P3H2: variants seen among roughly 807,000 people sequenced by gnomAD.
The protein encoded by P3H2 is prolyl 3-hydroxylase 2, also known as leprecan-like 1.
Under a neutral mutation model 87.0 loss-of-function variants are expected in P3H2, and 80 were observed. The observed-to-expected ratio is 0.92, with a 90% confidence interval of 0.77 to 1.11. P3H2 has a LOEUF of 1.11. Among genes scored for constraint, P3H2 ranks in the 50% least tolerant of loss-of-function variants. The pLI, the probability that P3H2 is intolerant of heterozygous loss-of-function variation, is 0.00. For missense variants in P3H2, 1,001 were observed against 923.9 expected, an observed-to-expected ratio of 1.08 and a Z score of -1.08; for synonymous variants, 367 against 359.3, an observed-to-expected ratio of 1.02 and a Z score of -0.24.
intron 1 of P3H2, among the ~76,000 whole-genome samples, chr3:190,093,290 AAGAC>A (rs1356353611): frequency 9.2e-5 from 14 of 152,310 alleles, no homozygotes; most frequent in Non-Finnish European, 1.0e-4. Flanking sequence ...AAAGCTTGAC[AAGAC>A]AGACAGTTGA....
intron 1 of P3H2, among the ~76,000 whole-genome samples, chr3:190,051,011 G>A (rs1459544327): frequency 4.6e-5 from 7 of 152,078 alleles, no homozygotes; most frequent in African/African-American, 1.2e-4. Context: ...TTAATCTGTA[G>A]CAATTTCCTA....
chr3:189,999,902 T>A (rs1724157543), intron 1 of P3H2, among the ~76,000 whole-genome samples: 1 of 152,178 alleles, frequency 6.6e-6, no homozygotes, highest in Non-Finnish European at 1.5e-5. Context: ...CCCAGAAGCA[T>A]GACTACGTGG....
chr3:190,051,045 T>C (rs1381944931), intron 1 of P3H2, among the ~76,000 whole-genome samples: 1 of 152,214 alleles, frequency 6.6e-6, no homozygotes, highest in Non-Finnish European at 1.5e-5. Flanking sequence ...AGCAGACCAG[T>C]CATAGCTATA....
Position 189,994,092 on chromosome 3 carries a change from A to C in P3H2, c.823+2T>G. ...AAATAAAATGAAAAATTAAGCTTTT[A>C]CCTGCAATAGCTTCATACAGACCAG... On this transcript the variant is annotated splice_donor_variant, in intron 3 of 14. Coordinates refer to ENST00000319332, the MANE Select transcript of P3H2 (RefSeq NM_018192.4). LOFTEE classifies it high-confidence loss of function. 1 of 1,603,592 alleles carries C rather than the reference A, an allele frequency of 6.2e-7. No individual in the cohort carries two copies. The highest frequency in any genetic ancestry group is 8.5e-7 in the Non-Finnish European group (1 of 1,171,986).
intron 1 of P3H2, among the ~76,000 whole-genome samples, chr3:190,068,204 T>G (rs1288167891): frequency 1.3e-5 from 2 of 152,158 alleles, no homozygotes; most frequent in African/African-American, 2.4e-5. Context: ...TTAAAGAGAA[T>G]ACATTGTTAG....
chr3:189,959,465 C>T (rs907505146), intron 14 of P3H2, among the ~76,000 whole-genome samples: 1 of 135,216 alleles, frequency 7.4e-6, no homozygotes, highest in Non-Finnish European at 1.5e-5. Flanking sequence ...TCCATGTGTT[C>T]TCATTGTTCA....
intron 10 of P3H2, 157 bp from the exon 11 acceptor site, chr3:189,973,181 G>A: frequency 1.5e-6 from 1 of 653,214 alleles, no homozygotes; most frequent in Non-Finnish European, 2.6e-6. Context: ...TTAGGACATT[G>A]TGCCATTGGA....
chr3:190,069,529 T>C (rs1022037947), intron 1 of P3H2, among the ~76,000 whole-genome samples: 1 of 152,200 alleles, frequency 6.6e-6, no homozygotes, highest in African/African-American at 2.4e-5. Flanking sequence ...TTACAGCATG[T>C]TTACCTTTTC....
chr3:190,109,859 T>TC, intron 1 of P3H2, among the ~76,000 whole-genome samples: 1 of 151,054 alleles, frequency 6.6e-6, no homozygotes, highest in Non-Finnish European at 1.5e-5. Flanking sequence ...TTTTTTTTTT[T>TC]TTTTTTTGAC....
At chr3:189,982,223 C>T (rs1418118106) in intron 8 of P3H2, among the ~76,000 whole-genome samples, 1 of 152,180 alleles carries the variant, frequency 6.6e-6, no homozygotes, top group Non-Finnish European at 1.5e-5. Flanking sequence ...TTCTGAGCTT[C>T]TGAGACTTCA....
At chr3:190,101,600 GAA>G (rs1243517117) in intron 1 of P3H2, among the ~76,000 whole-genome samples, 2 of 151,868 alleles carry the variant, frequency 1.3e-5, no homozygotes, top group Non-Finnish European at 2.9e-5. Context: ...GGAAGCTATA[GAA>G]AAACAGTCTG....
At chr3:190,053,098 C>T (rs1726035091) in intron 1 of P3H2, among the ~76,000 whole-genome samples, 1 of 152,052 alleles carries the variant, frequency 6.6e-6, no homozygotes, top group East Asian at 1.9e-4. Flanking sequence ...TTTGAATAGC[C>T]GAGTAGTATT....
At chr3:190,023,624 G>T (rs1172454171) in intron 1 of P3H2, among the ~76,000 whole-genome samples, 1 of 152,174 alleles carries the variant, frequency 6.6e-6, no homozygotes, top group African/African-American at 2.4e-5. Context: ...CTTGACATGG[G>T]CGGCGGGGAT....
chr3:190,122,087 A>AAAAAAC (rs1712630318), upstream of P3H2: 1 of 97,600 alleles, frequency 1.0e-5, no homozygotes, highest in African/African-American at 3.7e-5. Context: ...TCTCAAAAAC[A>AAAAAAC]AAAAAAACAA....
intron 1 of P3H2, among the ~76,000 whole-genome samples, chr3:190,045,672 G>A (rs1725776315): frequency 6.6e-6 from 1 of 152,086 alleles, no homozygotes. Flanking sequence ...TTGACTTTAA[G>A]TAAGACAGAG....
rs1722645388 is a variant in P3H2, at chr3:189,956,849, T to C, written c.*1063A>G. On this transcript the variant is annotated 3_prime_UTR_variant, in exon 15 of 15. Transcript: ENST00000319332. ...ATGACGGTTAAAATCAATCAGAAAT[T>C]TATTTTTCTTATGTAAGTACAAAAC... 1 of 347,306 alleles carries C rather than the reference T, an allele frequency of 2.9e-6. No homozygotes were observed. The highest frequency in any genetic ancestry group is 2.1e-5 in the African/African-American group (1 of 47,532). 21.5% of individuals were successfully genotyped at this position (347,306 alleles called of 1,614,324 possible).
intron 1 of P3H2, among the ~76,000 whole-genome samples, chr3:190,050,297 T>C (rs187236808): frequency 2.6e-5 from 4 of 152,214 alleles, no homozygotes; most frequent in Admixed American, 6.5e-5. Context: ...GCAATTCCTT[T>C]TTCCTGCAAT....
chr3:190,121,308 C>A (rs533173464), upstream of P3H2, among the ~76,000 whole-genome samples: 1 of 150,892 alleles, frequency 6.6e-6, no homozygotes, highest in East Asian at 2.0e-4. Flanking sequence ...CAAATCTGCG[C>A]ATTCTGCACG....
intron 6 of P3H2, among the ~76,000 whole-genome samples, chr3:189,985,997 A>G (rs1199932615): frequency 6.6e-6 from 1 of 152,214 alleles, no homozygotes; most frequent in Non-Finnish European, 1.5e-5. Context: ...GTTTCTGCAA[A>G]AGCTATGTCT....
Sources: allele counts gnomAD v4.1 joint callset (sites outside exome capture counted in the v4.1 genomes callset), GRCh38; gene constraint gnomAD v4.1.1; transcripts MANE v1.5; gene names NCBI Gene and HGNC (gene_info 2026-07-23, HGNC 2026-07-21).